Variants in CACNA1G observed in about 807,000 individuals in gnomAD.
CACNA1G encodes the protein calcium voltage-gated channel subunit alpha1 G, also known as voltage-dependent T-type calcium channel subunit alpha-1G.
Under a neutral mutation model 219.4 loss-of-function variants are expected in CACNA1G, and 67 were observed. The ratio of observed to expected loss-of-function variants is 0.31; its 90% CI spans 0.25 to 0.37. CACNA1G has a LOEUF of 0.37. Among genes scored for constraint, CACNA1G ranks in the 10% least tolerant of loss-of-function variants. The pLI is 1.00. For synonymous variants in CACNA1G, 1,296 were observed against 1,345.3 expected (o/e 0.96, Z 0.80); for missense variants, 2,380 against 3,231.4 (o/e 0.74, Z 6.39).
intron 4 of CACNA1G, among the ~76,000 whole-genome samples, chr17:50,570,162 CCAGAACAGCCTCT>C (rs2039050967): frequency 6.6e-6 from 1 of 152,136 alleles, no homozygotes; most frequent in Non-Finnish European, 1.5e-5. Context: ...CCTTTTCTAG[CCAGAACAGCCTCT>C]CATGCAATCT....
rs2046264768 is a variant in CACNA1G at position 50,599,856 on chromosome 17, C to A, written c.3687C>A (p.Asn1229Lys). 1.9e-6 allele frequency: 3 copies of A among 1,604,376 alleles called. No homozygotes were observed. Among genetic ancestry groups the A allele is most frequent in the African/African-American group, 1.3e-5 (1 of 74,904 alleles). The change falls in exon 17 of 38, where the codon AAC (asparagine) becomes AAA (lysine). Residue 1229 changes from asparagine to lysine, a missense_variant. This residue lies in a region of CACNA1G where 418 missense variants were observed against 434.3 expected (regional missense o/e 0.96). Coordinates refer to ENST00000359106, the MANE Select transcript of CACNA1G (RefSeq NM_018896.5). ...LDGDDADDEG[N>K]LSKGERVRAW... ...GGGATGACGCCGATGACGAGGGCAACCTGGTGAGGCCCCTGTGGGCACAGT... is the reference window on the plus strand; with the variant it reads ...GGGATGACGCCGATGACGAGGGCAAACTGGTGAGGCCCCTGTGGGCACAGT...
rs1040194712 is a variant in CACNA1G at position 50,578,706 on chromosome 17, GGGT to G, written c.2301+144_2301+146del. 7 of 805,720 alleles carry G rather than the reference GGGT, an allele frequency of 8.7e-6. No individual in the cohort carries two copies. In the African/African-American group the frequency reaches 1.2e-4, roughly 14 times the overall value. The allele number at this position is 805,720 out of a possible 1,614,324, so 49.9% of individuals were successfully genotyped here. A position where few individuals can be genotyped will look rare whatever the true frequency, so the allele number is the denominator to read the frequency against. Reference sequence around the variant, plus strand: ...CCACCTGGCAGGTAGGAGGGGAGGTGGGTGATGGAGCAATGCATGGGGATTCTC... The same window carrying G: ...CCACCTGGCAGGTAGGAGGGGAGGTGGATGGAGCAATGCATGGGGATTCTC... On this transcript the variant is annotated intron_variant, in intron 9 of 37. Transcript: ENST00000359106. The surrounding 1 kb of genome is among the most constrained non-coding windows in gnomAD (Gnocchi z 4.5).
intron 9 of CACNA1G, among the ~76,000 whole-genome samples, chr17:50,581,169 G>T (rs1053834462): frequency 2.6e-5 from 4 of 151,850 alleles, no homozygotes; most frequent in African/African-American, 9.7e-5. Flanking sequence ...ATGAGCCACA[G>T]CGGAGACAGA....
Position 50,616,477 on chromosome 17 carries a change from ACTTTT to A in CACNA1G, c.5021+97_5021+101del. 5.4e-6 allele frequency: 4 copies of A among 737,590 alleles called. No homozygotes were observed. In the South Asian group the frequency reaches 7.8e-5, roughly 14 times the overall value. 45.7% of individuals were successfully genotyped at this position (737,590 alleles called of 1,614,324 possible). On this transcript the variant is annotated intron_variant, in intron 28 of 37. Coordinates refer to ENST00000359106, the MANE Select transcript of CACNA1G (RefSeq NM_018896.5). ...TACCCAGGAAGACCTAGTGTCTAAG[ACTTTT>A]CTTAATTCCTGAGGTTCAGCCCCCA...
In CACNA1G at chr17:50,571,805, A is replaced by T; in HGVS notation, c.587-73A>T. 7 of 1,540,464 alleles carry T rather than the reference A, an allele frequency of 4.5e-6. No homozygotes were observed. Among genetic ancestry groups the T allele is most frequent in the Non-Finnish European group, 6.2e-6 (7 of 1,123,364 alleles). Reference sequence around the variant, plus strand: ...GAGTCCCTGGTGGGGCCCCTCCGGGAGTGCTGCCGGGCCGTGGCAGTCAGC... The same window carrying T: ...GAGTCCCTGGTGGGGCCCCTCCGGGTGTGCTGCCGGGCCGTGGCAGTCAGC... On this transcript the variant is annotated intron_variant, in intron 4 of 37. Coordinates refer to ENST00000359106, the MANE Select transcript of CACNA1G (RefSeq NM_018896.5). The surrounding 1 kb of genome is among the most constrained non-coding windows in gnomAD (Gnocchi z 4.3).
intron 14 of CACNA1G, 75 bp downstream of exon 14, chr17:50,595,136 T>G: frequency 9.0e-6 from 10 of 1,111,814 alleles, no homozygotes; most frequent in Non-Finnish European, 1.3e-5. Context: ...TCCGTGTCTC[T>G]GTGCTCGTGT....
intron 14 of CACNA1G, among the ~76,000 whole-genome samples, chr17:50,595,355 T>C (rs568921732): frequency 1.7e-4 from 26 of 152,358 alleles, no homozygotes; most frequent in Non-Finnish European, 3.7e-4. Context: ...ATCCTCTGTG[T>C]GCACGTGTGT....
rs762839886 is a variant in CACNA1G, at chr17:50,596,793, C to T, written c.3128C>T (p.Thr1043Met). 7 of 1,610,986 alleles carry T rather than the reference C, an allele frequency of 4.3e-6. No homozygotes were observed. The highest frequency in any genetic ancestry group is 4.0e-5 in the African/African-American group (3 of 74,904). Residue 1043 changes from threonine (T) to methionine (M), a missense_variant, in exon 16 of 38, where the codon ACG becomes ATG. Coordinates refer to ENST00000359106, the MANE Select transcript of CACNA1G (RefSeq NM_018896.5). The surrounding 1 kb of genome is among the most constrained non-coding windows in gnomAD (Gnocchi z 4.8). ...KSLLPPLIIH[T>M]AATPMSLPKS... ...CTGCTGCCGCCTCTCATCATCCACACGGCCGCCACACCCATGTCGCTGCCC... is the reference window on the plus strand; with the variant it reads ...CTGCTGCCGCCTCTCATCATCCACATGGCCGCCACACCCATGTCGCTGCCC...
intron 26 of CACNA1G, among the ~76,000 whole-genome samples, chr17:50,610,306 T>G (rs922805272): frequency 6.6e-6 from 1 of 152,204 alleles, no homozygotes. Context: ...GAGACTTTGA[T>G]CCAAGGGAGC....
Position 50,560,866 on chromosome 17 carries a change from C to T in CACNA1G, c.-594C>T, listed in dbSNP as rs1212263918. 6.6e-6 allele frequency among the ~76,000 whole-genome samples: 1 copy of T among 152,048 alleles called. No individual in the cohort carries two copies. On this transcript the variant is annotated 5_prime_UTR_variant, in exon 1 of 38. Coordinates refer to ENST00000359106, the MANE Select transcript of CACNA1G (RefSeq NM_018896.5). ...CGCCTCCACTCCCGCCCGGGACTGCCCCCCACTGTCTCCCCGCCCCTCCCG... is the reference window on the plus strand; with the variant it reads ...CGCCTCCACTCCCGCCCGGGACTGCTCCCCACTGTCTCCCCGCCCCTCCCG...
At chr17:50,580,077 C>G (rs1294141845) in intron 9 of CACNA1G, among the ~76,000 whole-genome samples, 1 of 152,168 alleles carries the variant, frequency 6.6e-6, no homozygotes, top group Non-Finnish European at 1.5e-5. Context: ...CTAACCTCCA[C>G]AGGGCCCCCT....
chr17:50,599,733 T>A lies in CACNA1G; in HGVS notation c.3564T>A (p.Ser1188Arg). The A allele has an allele frequency of 6.2e-7, 1 of 1,613,612 alleles. No homozygotes were observed. Among genetic ancestry groups the A allele is most frequent in the Non-Finnish European group, 8.5e-7 (1 of 1,179,808 alleles). Reference protein sequence around the residue: ...LQVPGLHRTASGRGSASEHQD... With the variant: ...LQVPGLHRTARGRGSASEHQD... Reference sequence around the variant, plus strand: ...TGCCAGGGCTGCATCGCACTGCCAGTGGCCGAGGGTCTGCTTCTGAGCACC... The same window carrying A: ...TGCCAGGGCTGCATCGCACTGCCAGAGGCCGAGGGTCTGCTTCTGAGCACC... Residue 1188 changes from serine (S) to arginine (R), a missense_variant, in exon 17 of 38, where the codon AGT becomes AGA. By Grantham distance (110) the Ser-to-Arg change is moderately radical. Around this residue, in one of 17 missense-constraint regions of CACNA1G, gnomAD observed 418 missense variants for 434.3 expected, o/e 0.96. Transcript: ENST00000359106.
At chr17:50,625,291 T>C (rs2053462717) in intron 37 of CACNA1G, among the ~76,000 whole-genome samples, 1 of 152,226 alleles carries the variant, frequency 6.6e-6, no homozygotes, top group Admixed American at 6.5e-5. Context: ...CCATGCCATG[T>C]GTGTGTCCTG....
In CACNA1G at chr17:50,626,339, G is replaced by A. The variant is rs1264243708; in HGVS notation, c.6722G>A (p.Arg2241Gln). Residue 2241 changes from arginine (R) to glutamine (Q), a missense_variant, in exon 38 of 38, where the codon CGG becomes CAG. Around this residue, in one of 17 missense-constraint regions of CACNA1G, gnomAD observed 672 missense variants for 670.5 expected, o/e 1.00. Coordinates refer to ENST00000359106, the MANE Select transcript of CACNA1G (RefSeq NM_018896.5). This position sits in a 1 kb window ranked among gnomAD's most constrained non-coding sequence, Gnocchi z 4.3. ...PGGQEEPPSPRDLKKCYSVEA... is the reference protein window; with the variant it reads ...PGGQEEPPSPQDLKKCYSVEA... ...GGCCAGGAGGAGCCCCCATCCCCAC[G>A]GGACCTGAAGAAGTGCTACAGCGTG... 6.2e-6 allele frequency: 10 copies of A among 1,612,966 alleles called. No individual in the cohort carries two copies. The highest frequency in any genetic ancestry group is 4.0e-5 in the African/African-American group (3 of 74,894).
At chr17:50,608,145 C>T in intron 25 of CACNA1G, 126 bp downstream of exon 25, 1 of 769,402 alleles carries the variant, frequency 1.3e-6, no homozygotes, top group South Asian at 1.8e-5. Flanking sequence ...GCTCCCACCC[C>T]CCTCCTCACC....
chr17:50,601,057 C>T lies in CACNA1G; in HGVS notation c.3798C>T (p.Arg1266=). The T allele has an allele frequency of 1.2e-6, 2 of 1,613,748 alleles. No homozygotes were observed. The highest frequency in any genetic ancestry group is 2.2e-5 in the South Asian group (2 of 91,088). Residue 1266 remains arginine, a synonymous_variant, in exon 19 of 38, where the codon CGC becomes CGT. Transcript: ENST00000359106. The stretch of plus-strand genomic sequence containing the variant: ...TGCCTCCATGCCTGGGCAGGTTCCG[C>T]CTCCTGTGTCACCGGATCATCACCC... The part of the protein sequence containing the change: ...AYIFPPQSRF[R]LLCHRIITHK...
intron 9 of CACNA1G, among the ~76,000 whole-genome samples, chr17:50,580,454 C>G (rs1179803116): frequency 6.6e-6 from 1 of 152,162 alleles, no homozygotes; most frequent in Non-Finnish European, 1.5e-5. Context: ...CCCAGCAGTC[C>G]CTGCCCAGCC....
At position 50,589,624 on chromosome 17, in the gene CACNA1G, A is replaced by G. The variant is rs528599032; in HGVS notation, c.2302-847A>G. Among the ~76,000 whole-genome samples the G allele has an allele frequency of 1.2e-4, 18 of 152,272 alleles. No homozygotes were observed. The South Asian group carries it at 3.3e-3, about 28-fold the overall frequency. ...ACAGGGTTCGTCATTCGTCCTTCTG[A>G]GGACTCTAGGGTGCATCCTCAGTCC... On this transcript the variant is annotated intron_variant, in intron 9 of 37. Coordinates refer to ENST00000359106, the MANE Select transcript of CACNA1G (RefSeq NM_018896.5).
chr17:50,569,695 C>A lies in CACNA1G; in HGVS notation c.489-11C>A. ...GACTCAAAGGGCCTCCCTTTGGGCC[C>A]CTCCCTGCAGGATGCTGGAGTACTC... is the stretch of plus-strand genomic sequence containing the variant. On this transcript the variant is annotated splice_polypyrimidine_tract_variant and intron_variant, in intron 3 of 37. Transcript: ENST00000359106. 6.5e-7 allele frequency: 1 copy of A among 1,545,648 alleles called. No individual in the cohort carries two copies. The highest frequency in any genetic ancestry group is 8.7e-7 in the Non-Finnish European group (1 of 1,143,410).
Sources: allele counts gnomAD v4.1 joint callset (sites outside exome capture counted in the v4.1 genomes callset), GRCh38; gene constraint gnomAD v4.1.1; regional missense constraint gnomAD v4.1.1; non-coding constraint Gnocchi (gnomAD v3.1); transcripts MANE v1.5; gene names NCBI Gene and HGNC (gene_info 2026-07-23, HGNC 2026-07-21).